The following TMEM201 variants were observed in gnomAD, a reference collection of about 807,000 sequenced individuals.
TMEM201 encodes transmembrane protein 201.
A neutral mutation model predicts 63.4 loss-of-function variants in TMEM201; 26 were observed. That is an observed-to-expected ratio of 0.41 (90% CI 0.30 to 0.57). The LOEUF (loss-of-function observed/expected upper bound fraction) is 0.57. Among genes scored for constraint, TMEM201 ranks in the 20% least tolerant of loss-of-function variants. The pLI is 0.29. For synonymous variants in TMEM201, 417 were observed against 421.6 expected (o/e 0.99, Z 0.14); for missense variants, 794 against 917.7 (o/e 0.87, Z 1.74).
intron 1 of TMEM201, among the ~76,000 whole-genome samples, chr1:9,592,574 A>G (rs1643939259): frequency 6.8e-6 from 1 of 147,112 alleles, no homozygotes; most frequent in African/African-American, 2.5e-5. Context: ...GCTCGCACCT[A>G]GAACAGAGCC....
Position 9,596,871 on chromosome 1 carries a change from A to G in TMEM201, c.247A>G (p.Asn83Asp). 1 of 1,592,464 alleles carries G rather than the reference A, an allele frequency of 6.3e-7. No homozygotes were observed. Among genetic ancestry groups the G allele is most frequent in the East Asian group, 2.3e-5 (1 of 44,190 alleles). Residue 83 changes from asparagine to aspartate, a missense_variant, in exon 3 of 11, where the codon AAC becomes GAC. Physicochemically the swap from Asn to Asp is conservative, Grantham distance 23. Transcript: ENST00000340381. ...YNGFQENGDY[N>D]KPIPAQYLEH... is the part of the protein sequence containing the mutation. ...CTCTCTCCCGCAGAACGGCGACTAC[A>G]ACAAGCCGATCCCCGCCCAGTACTT...
rs549852233 is a variant in TMEM201 at position 9,605,913 on chromosome 1, C to T, written c.1161-1644C>T. Among the ~76,000 whole-genome samples the T allele has an allele frequency of 3.7e-4, 57 of 152,316 alleles. 1 individual carries two copies. In the South Asian group the frequency reaches 9.7e-3, roughly 26 times the overall value. On this transcript the variant is annotated intron_variant, in intron 6 of 10. Transcript: ENST00000340381. The surrounding 1 kb of genome is among the most constrained non-coding windows in gnomAD (Gnocchi z 5.7). The stretch of plus-strand genomic sequence containing the variant: ...GACCCTCCTTTCACACATCCCCCAA[C>T]GGTACTCTCAGGTCACTGGGGGACC...
In TMEM201 at chr1:9,601,272, C is replaced by T. The variant is rs751977076; in HGVS notation, c.774C>T (p.Ala258=). ...TGCCACCTGGTGGCAATGGCTCAGCCACACCTGACAATGGCACCACCCCTG... is the reference window on the plus strand; with the variant it reads ...TGCCACCTGGTGGCAATGGCTCAGCTACACCTGACAATGGCACCACCCCTG... ...LALPPGGNGS[A]TPDNGTTPGA... Residue 258 remains alanine, a synonymous_variant, in exon 5 of 11, where the codon GCC becomes GCT. Coordinates refer to ENST00000340381, the MANE Select transcript of TMEM201 (RefSeq NM_001130924.3). The T allele has an allele frequency of 5.0e-6, 8 of 1,610,734 alleles. 1 individual carries two copies. Among genetic ancestry groups the T allele is most frequent in the Non-Finnish European group, 6.8e-6 (8 of 1,179,832 alleles).
In TMEM201 at chr1:9,605,207, T is replaced by C. The variant is rs969779800; in HGVS notation, c.1161-2350T>C. On this transcript the variant is annotated intron_variant, in intron 6 of 10. Coordinates refer to ENST00000340381, the MANE Select transcript of TMEM201 (RefSeq NM_001130924.3). This position sits in a 1 kb window ranked among gnomAD's most constrained non-coding sequence, Gnocchi z 5.7. ...CTTCCACTCCTGATGTGGGCTGGGA[T>C]TGGGTCGGAGAAGACCAGACATCTC... Among the ~76,000 whole-genome samples the C allele has an allele frequency of 7.9e-5, 12 of 152,298 alleles. 1 individual carries two copies. Among genetic ancestry groups the C allele is most frequent in the Middle Eastern group, 3.4e-3 (1 of 294 alleles).
chr1:9,597,667 CAA>C (rs1216313300), intron 3 of TMEM201, among the ~76,000 whole-genome samples: 2 of 152,174 alleles, frequency 1.3e-5, no homozygotes, highest in African/African-American at 4.8e-5. Context: ...CCTGTCACCT[CAA>C]GAGGCAGGTC....
intron 1 of TMEM201, 28 bp from the exon 2 acceptor site, chr1:9,595,862 G>C (rs752553611): frequency 6.2e-7 from 1 of 1,611,424 alleles, no homozygotes; most frequent in South Asian, 1.1e-5. Context: ...GGTCTTCCAG[G>C]CCAACCCGCT....
rs1644208389 is a variant in TMEM201 at position 9,604,562 on chromosome 1, GA to G, written c.1160+2291del. On this transcript the variant is annotated intron_variant, in intron 6 of 10. Transcript: ENST00000340381. The surrounding 1 kb of genome is among the most constrained non-coding windows in gnomAD (Gnocchi z 4.1). ...CCAGGGAACTCTTCTCCTCGCGGGG[GA>G]CTTGGGATGGCCATCAGACCTTCTA... 3.0e-6 allele frequency: 3 copies of G among 985,470 alleles called. No homozygotes were observed. The highest frequency in any genetic ancestry group is 3.6e-6 in the Non-Finnish European group (3 of 829,944). 61.0% of individuals were successfully genotyped at this position (985,470 alleles called of 1,614,324 possible).
At position 9,595,870 on chromosome 1, in the gene TMEM201, G is replaced by A. The variant is rs759175442; in HGVS notation, c.114-20G>A. On this transcript the variant is annotated intron_variant, in intron 1 of 10. Transcript: ENST00000340381. ...GTGCTGGGGTCTTCCAGGCCAACCCGCTCTTTCCTTGGTCCACAGGATGAA... is the reference window on the plus strand; with the variant it reads ...GTGCTGGGGTCTTCCAGGCCAACCCACTCTTTCCTTGGTCCACAGGATGAA... 1.9e-5 allele frequency: 30 copies of A among 1,611,866 alleles called. No individual in the cohort carries two copies. Among genetic ancestry groups the A allele is most frequent in the East Asian group, 2.2e-5 (1 of 44,872 alleles).
rs1569969907 is a variant in TMEM201 at position 9,613,212 on chromosome 1, G to A, written c.*129G>A. 2.4e-6 allele frequency: 2 copies of A among 834,756 alleles called. No homozygotes were observed. The highest frequency in any genetic ancestry group is 3.2e-4 in the Middle Eastern group (1 of 3,162). 51.7% of individuals were successfully genotyped at this position (834,756 alleles called of 1,614,324 possible). On this transcript the variant is annotated 3_prime_UTR_variant, in exon 11 of 11. Coordinates refer to ENST00000340381, the MANE Select transcript of TMEM201 (RefSeq NM_001130924.3). ...TCCAGGGCCTTGACCTCACTGGACTGTGACTGTCCTCAGGACACCTGCCCC... is the reference window on the plus strand; with the variant it reads ...TCCAGGGCCTTGACCTCACTGGACTATGACTGTCCTCAGGACACCTGCCCC...
Position 9,601,307 on chromosome 1 carries a change from G to C in TMEM201, c.809G>C (p.Gly270Ala), listed in dbSNP as rs747958880. ...AATGGCACCACCCCTGGGGCCGAGG[G>C]CTGGCGGCAGTTGCTGGGCCTACTC... is the stretch of plus-strand genomic sequence containing the variant. Reference protein sequence around the residue: ...PDNGTTPGAEGWRQLLGLLPE... With the variant: ...PDNGTTPGAEAWRQLLGLLPE... The change falls in exon 5 of 11, where the codon GGC becomes GCC. Residue 270 changes from glycine to alanine, a missense_variant. Gly to Ala is a moderately conservative substitution (Grantham distance 60). Coordinates refer to ENST00000340381, the MANE Select transcript of TMEM201 (RefSeq NM_001130924.3). 1.9e-6 allele frequency: 3 copies of C among 1,609,750 alleles called. No individual in the cohort carries two copies. Among genetic ancestry groups the C allele is most frequent in the Non-Finnish European group, 2.5e-6 (3 of 1,179,864 alleles).
rs374194165 is a variant in TMEM201 at position 9,605,486 on chromosome 1, A to G, written c.1161-2071A>G. Among the ~76,000 whole-genome samples, 26 of 152,238 alleles carry G rather than the reference A, an allele frequency of 1.7e-4. No homozygotes were observed. The highest frequency in any genetic ancestry group is 3.4e-3 in the Middle Eastern group (1 of 294). On this transcript the variant is annotated intron_variant, in intron 6 of 10. Transcript: ENST00000340381. The surrounding 1 kb of genome is among the most constrained non-coding windows in gnomAD (Gnocchi z 5.7). ...GTCTCTCGCCAAAGGAAATGTTAGC[A>G]CCTTTGGAGTTCTCCAGGGTCCAAC...
chr1:9,604,604 C>T lies in TMEM201; in HGVS notation c.1160+2332C>T. The T allele has an allele frequency of 1.0e-6, 1 of 985,494 alleles. No individual in the cohort carries two copies. The highest frequency in any genetic ancestry group is 1.2e-6 in the Non-Finnish European group (1 of 829,916). 61.0% of individuals were successfully genotyped at this position (985,494 alleles called of 1,614,324 possible). A position where few individuals can be genotyped will look rare whatever the true frequency, so the allele number is the denominator to read the frequency against. On this transcript the variant is annotated intron_variant, in intron 6 of 10. Coordinates refer to ENST00000340381, the MANE Select transcript of TMEM201 (RefSeq NM_001130924.3). The surrounding 1 kb of genome is among the most constrained non-coding windows in gnomAD (Gnocchi z 4.1). ...AGACCTTCTAGGGTCTGGCTGGGGT[C>T]ATCCTAGGTATGGGTGACCGTCCCT... is the stretch of plus-strand genomic sequence containing the variant.
chr1:9,611,935 C>T (rs1220547173), intron 10 of TMEM201, 45 bp downstream of exon 10: 26 of 1,495,566 alleles, frequency 1.7e-5, no homozygotes, highest in Non-Finnish European at 2.2e-5. Flanking sequence ...GGCACACATC[C>T]GAAGCCACCA....
chr1:9,595,448 G>C (rs939119731), intron 1 of TMEM201, among the ~76,000 whole-genome samples: 3 of 152,022 alleles, frequency 2.0e-5, no homozygotes, highest in Non-Finnish European at 4.4e-5. Flanking sequence ...CAGGATCAAG[G>C]ACCTCGTGGG....
In TMEM201 at chr1:9,607,348, G is replaced by A. The variant is rs529869009; in HGVS notation, c.1161-209G>A. Among the ~76,000 whole-genome samples, 3 of 152,216 alleles carry A rather than the reference G, an allele frequency of 2.0e-5. No individual in the cohort carries two copies. Among genetic ancestry groups the A allele is most frequent in the Non-Finnish European group, 2.9e-5 (2 of 68,006 alleles). On this transcript the variant is annotated intron_variant, in intron 6 of 10. Transcript: ENST00000340381. This position sits in a 1 kb window ranked among gnomAD's most constrained non-coding sequence, Gnocchi z 5.4. ...TAGGAGGGGGCATGTGGGGAGGGCC[G>A]GGTCTTGCTGGCACCTCCCAGCCAC...
At chr1:9,592,397 C>T (rs2100448091) in intron 1 of TMEM201, among the ~76,000 whole-genome samples, 1 of 152,294 alleles carries the variant, frequency 6.6e-6, no homozygotes, top group African/African-American at 2.4e-5. Context: ...TGCTAAGGCC[C>T]CTGTCTGAGG....
rs11121451 is a variant in TMEM201, at chr1:9,613,785, C to T, written c.*702C>T. The T allele has an allele frequency of 0.078, 11,965 of 152,484 alleles. 1,310 individuals are homozygous for T. Among genetic ancestry groups the T allele is most frequent in the East Asian group, 0.52 (2,683 of 5,174 alleles). The allele number at this position is 152,484 out of a possible 1,614,324, so 9.4% of individuals were successfully genotyped here. Reference sequence around the variant, plus strand: ...AAGCAGCCCCATTACCCTGAGAATGCGGAGCGCCCTGGCCCACCTCGCCCT... The same window carrying T: ...AAGCAGCCCCATTACCCTGAGAATGTGGAGCGCCCTGGCCCACCTCGCCCT... On this transcript the variant is annotated 3_prime_UTR_variant, in exon 11 of 11. Coordinates refer to ENST00000340381, the MANE Select transcript of TMEM201 (RefSeq NM_001130924.3).
At chr1:9,612,888 C>A in intron 10 of TMEM201, 98 bp from the exon 11 acceptor site, 1 of 1,055,624 alleles carries the variant, frequency 9.5e-7, no homozygotes, top group Non-Finnish European at 1.4e-6. Flanking sequence ...TGGGCAGAGC[C>A]TTGAGCTCCC....
rs1373217736 is a variant in TMEM201, at chr1:9,608,998, TG to T, written c.1394-840del. On this transcript the variant is annotated intron_variant, in intron 7 of 10. Coordinates refer to ENST00000340381, the MANE Select transcript of TMEM201 (RefSeq NM_001130924.3). The surrounding 1 kb of genome is among the most constrained non-coding windows in gnomAD (Gnocchi z 4.3). The stretch of plus-strand genomic sequence containing the variant: ...TTGGCTCATGTATTCAGAGACGCGC[TG>T]GACCGGGCTCAGGTGCTGTGGCCAG... Among the ~76,000 whole-genome samples, 1 of 152,158 alleles carries T rather than the reference TG, an allele frequency of 6.6e-6. No individual in the cohort carries two copies. Among genetic ancestry groups the T allele is most frequent in the Non-Finnish European group, 1.5e-5 (1 of 68,014 alleles).
Sources: gnomAD v4.1 joint callset for allele counts (sites outside exome capture counted in the v4.1 genomes callset) on GRCh38, gnomAD v4.1.1 for gene constraint, Gnocchi (gnomAD v3.1) non-coding constraint, MANE v1.5 for transcripts, NCBI Gene and HGNC (gene_info 2026-07-23, HGNC 2026-07-21) for gene names.